Variants in ALMS1 observed in about 807,000 individuals in gnomAD.
The protein encoded by ALMS1 is ALMS1 centrosome and basal body associated protein.
ALMS1 carries 271 observed loss-of-function variants against 352.2 expected under a neutral mutation model. The observed-to-expected ratio is 0.77, with a 90% CI of 0.70 to 0.85. The LOEUF is 0.85. Among genes scored for constraint, ALMS1 ranks in the 40% least tolerant of loss-of-function variants. The pLI is 0.00. For missense variants in ALMS1, 5,445 were observed against 4,870.7 expected (o/e 1.12, Z -3.51); for synonymous variants, 1,865 against 1,761.2 (o/e 1.06, Z -1.48).
chr2:73,426,256 T>A (rs1453750752), intron 5 of ALMS1, among the ~76,000 whole-genome samples, 197 bp from the exon 6 acceptor site: 1 of 152,194 alleles, frequency 6.6e-6, no homozygotes, highest in African/African-American at 2.4e-5. Context: ...AGGAAGCAGC[T>A]TTTCAGCAAA....
intron 16 of ALMS1, among the ~76,000 whole-genome samples, chr2:73,586,223 T>G (rs1183113958): frequency 6.6e-6 from 1 of 152,224 alleles, no homozygotes; most frequent in Non-Finnish European, 1.5e-5. Context: ...TTTTGTGGGT[T>G]GTTTGCTGAT....
intron 10 of ALMS1, among the ~76,000 whole-genome samples, chr2:73,504,474 T>C (rs1673280003): frequency 6.6e-6 from 1 of 152,168 alleles, no homozygotes; most frequent in Non-Finnish European, 1.5e-5. Flanking sequence ...TACTGTATAA[T>C]TTTGTCATTT....
intron 12 of ALMS1, among the ~76,000 whole-genome samples, chr2:73,549,629 A>C (rs751749263): frequency 6.6e-6 from 1 of 152,114 alleles, no homozygotes; most frequent in East Asian, 1.9e-4. Flanking sequence ...TCAAAAAACT[A>C]CTTTTTTTCC....
Position 73,453,480 on chromosome 2 carries a change from A to C in ALMS1, c.6953A>C (p.His2318Pro), listed in dbSNP as rs1671994094. ...STGVSNGDLL[H>P]RQPFTEESPS... ...GGTGTATCTAATGGTGATTTGCTTC[A>C]CAGACAGCCATTCACAGAGGAAAGC... The change falls in exon 8 of 23, where the codon CAC becomes CCC. Residue 2318 changes from histidine to proline, a missense_variant. Transcript: ENST00000613296. 6.2e-7 allele frequency: 1 copy of C among 1,613,320 alleles called. No homozygotes were observed.
intron 10 of ALMS1, among the ~76,000 whole-genome samples, chr2:73,513,067 A>G (rs909127602): frequency 6.6e-6 from 1 of 152,000 alleles, no homozygotes; most frequent in Non-Finnish European, 1.5e-5. Context: ...CCTCACTTCC[A>G]GTGTGCTTTA....
rs373926995 is a variant in ALMS1, at chr2:73,449,977, G to A, written c.3450G>A (p.Lys1150=). Residue 1150 remains lysine (K), a synonymous_variant, in exon 8 of 23, where the codon AAG becomes AAA. Transcript: ENST00000613296. ...TSTSYSQHRE[K]PSIFHQQALP... is the part of the protein sequence containing the mutation. ...CTTCCTACTCACAACATAGAGAAAA[G>A]CCCAGCATTTTCCACCAGCAGGCCT... 5 of 1,613,732 alleles carry A rather than the reference G, an allele frequency of 3.1e-6. No individual in the cohort carries two copies. Among genetic ancestry groups the A allele is most frequent in the Non-Finnish European group, 4.2e-6 (5 of 1,179,932 alleles).
chr2:73,459,615 A>G (rs1225402386), intron 9 of ALMS1: 4 of 152,052 alleles, frequency 2.6e-5, no homozygotes, highest in Admixed American at 2.6e-4. Context: ...TATCACTATC[A>G]TTGTTTATTT....
chr2:73,554,973 A>G (rs946716770), intron 13 of ALMS1, among the ~76,000 whole-genome samples: 1 of 152,200 alleles, frequency 6.6e-6, no homozygotes, highest in Admixed American at 6.5e-5. Flanking sequence ...GGGCATGTAA[A>G]ACTATTTTAA....
At chr2:73,593,113 G>T (rs1487064465) in intron 16 of ALMS1, among the ~76,000 whole-genome samples, 14 of 2,542 alleles carry the variant, frequency 5.5e-3, no homozygotes, top group Non-Finnish European at 0.012. Flanking sequence ...GAGATCATTA[G>T]AGATGCGTGG....
At chr2:73,409,264 C>A (rs749822675) in intron 2 of ALMS1, among the ~76,000 whole-genome samples, 7 of 151,878 alleles carry the variant, frequency 4.6e-5, no homozygotes, top group Non-Finnish European at 1.0e-4. Context: ...TCTCAGGACT[C>A]TTATTTTTAT....
Position 73,490,268 on chromosome 2 carries a change from C to G in ALMS1, c.8309C>G (p.Ser2770Cys), listed in dbSNP as rs771367971. 3 of 1,613,790 alleles carry G rather than the reference C, an allele frequency of 1.9e-6. No homozygotes were observed. Among genetic ancestry groups the G allele is most frequent in the Non-Finnish European group, 1.7e-6 (2 of 1,179,970 alleles). ...AGAGATCTTAAACAGAAAACCTCTTCCCCTTCATCATTTAAAATGCATAGT... is the reference window on the plus strand; with the variant it reads ...AGAGATCTTAAACAGAAAACCTCTTGCCCTTCATCATTTAAAATGCATAGT... ...PPRDLKQKTSSPSSFKMHSNS... is the reference protein window; with the variant it reads ...PPRDLKQKTSCPSSFKMHSNS... The change falls in exon 10 of 23, where the codon TCC becomes TGC. Residue 2770 changes from serine (S) to cysteine (C), a missense_variant. Transcript: ENST00000613296.
intron 1 of ALMS1, among the ~76,000 whole-genome samples, chr2:73,404,618 C>T (rs151092695): frequency 2.2e-4 from 33 of 152,162 alleles, no homozygotes; most frequent in South Asian, 1.0e-3. Context: ...TTGTATTCCA[C>T]GAATTCCACT....
chr2:73,432,749 A>C (rs1671525308), intron 7 of ALMS1, among the ~76,000 whole-genome samples: 1 of 152,146 alleles, frequency 6.6e-6, no homozygotes, highest in Non-Finnish European at 1.5e-5. Flanking sequence ...TTAGGATTTC[A>C]ACCTATACTT....
intron 1 of ALMS1, among the ~76,000 whole-genome samples, chr2:73,406,639 TTAAAC>T (rs1334885380): frequency 3.3e-5 from 5 of 152,142 alleles, no homozygotes; most frequent in African/African-American, 9.7e-5. Flanking sequence ...AACAACCTGT[TTAAAC>T]TAGTAACAAC....
intron 13 of ALMS1, among the ~76,000 whole-genome samples, chr2:73,554,840 G>A (rs977440272): frequency 6.6e-6 from 1 of 151,998 alleles, no homozygotes; most frequent in African/African-American, 2.4e-5. Context: ...TTATGTGCAC[G>A]TTTTCCCCCA....
At chr2:73,537,556 A>G (rs973076397) in intron 12 of ALMS1, among the ~76,000 whole-genome samples, 1 of 152,218 alleles carries the variant, frequency 6.6e-6, no homozygotes, top group African/African-American at 2.4e-5. Context: ...TTAGCTGACC[A>G]TTAAGCTAAT....
Position 73,451,171 on chromosome 2 carries a change from C to T in ALMS1, c.4644C>T (p.Leu1548=). ...GTAGTCAAATACCTGAAGAGGCTCTCAGAGTTTCTTCTGCTCCTGGACCAG... is the reference window on the plus strand; with the variant it reads ...GTAGTCAAATACCTGAAGAGGCTCTTAGAGTTTCTTCTGCTCCTGGACCAG... ...LLGSQIPEEA[L]RVSSAPGPAD... is the part of the protein sequence containing the mutation. The change falls in exon 8 of 23, where the codon CTC becomes CTT. Residue 1548 remains leucine, a synonymous_variant. Transcript: ENST00000613296. 3.1e-6 allele frequency: 5 copies of T among 1,613,052 alleles called. No homozygotes were observed. Among genetic ancestry groups the T allele is most frequent in the Non-Finnish European group, 4.2e-6 (5 of 1,179,740 alleles).
At position 73,462,296 on chromosome 2, in the gene ALMS1, A is replaced by T. The variant is rs542092499; in HGVS notation, c.7674+7001A>T. On this transcript the variant is annotated intron_variant, in intron 9 of 22. Transcript: ENST00000613296. ...TATAAGCCAGAAGAGAGTGGGGGCC[A>T]ATATTCAACATTCTTAAAGAAAAGA... is the stretch of plus-strand genomic sequence containing the variant. Among the ~76,000 whole-genome samples, 956 of 152,278 alleles carry T rather than the reference A, an allele frequency of 6.3e-3. 9 individuals are homozygous for T. Among genetic ancestry groups the T allele is most frequent in the African/African-American group, 0.022 (901 of 41,502 alleles).
chr2:73,395,071 TATATATA>T (rs1257098623), intron 1 of ALMS1, among the ~76,000 whole-genome samples: 17 of 116,192 alleles, frequency 1.5e-4, no homozygotes, highest in African/African-American at 5.7e-4. Context: ...TATATATATA[TATATATA>T]TTTTTTTTTT....
Sources: allele counts gnomAD v4.1 joint callset (sites outside exome capture counted in the v4.1 genomes callset), GRCh38; gene constraint gnomAD v4.1.1; transcripts MANE v1.5; gene names NCBI Gene and HGNC (gene_info 2026-07-23, HGNC 2026-07-21).